RXRA: variants seen among roughly 807,000 people sequenced by gnomAD.
The protein encoded by RXRA is retinoid X receptor alpha.
In RXRA, 5 loss-of-function variants were observed where a neutral mutation model predicts 44.5. That is an observed-to-expected ratio of 0.11 (90% CI 0.06 to 0.24). The LOEUF (loss-of-function observed/expected upper bound fraction) is 0.24. Ranked by LOEUF, RXRA falls within the 10% of genes least tolerant of loss-of-function variation. RXRA has a pLI of 1.00. For missense variants in RXRA, 412 were observed against 646.5 expected, an observed-to-expected ratio of 0.64 and a Z score of 3.93; for synonymous variants, 291 against 271.4, an observed-to-expected ratio of 1.07 and a Z score of -0.71.
At chr9:134,361,713 T>C (rs762325357) in intron 1 of RXRA, among the ~76,000 whole-genome samples, 5 of 152,228 alleles carry the variant, frequency 3.3e-5, no homozygotes, top group Non-Finnish European at 2.9e-5. Flanking sequence ...GGAGGGACTC[T>C]GAGCTTCCGT....
intron 1 of RXRA, among the ~76,000 whole-genome samples, chr9:134,329,323 C>A (rs1834965653): frequency 6.6e-6 from 1 of 152,256 alleles, no homozygotes; most frequent in African/African-American, 2.4e-5. Flanking sequence ...GCTTGGAGTC[C>A]CGCTCGGGCC....
chr9:134,339,047 T>G (rs779055203), intron 1 of RXRA, among the ~76,000 whole-genome samples: 1 of 152,236 alleles, frequency 6.6e-6, no homozygotes, highest in Non-Finnish European at 1.5e-5. Flanking sequence ...CCTGGGGACT[T>G]GGAGCCGGAC....
chr9:134,387,375 G>A (rs948290028), intron 1 of RXRA, among the ~76,000 whole-genome samples: 12 of 152,384 alleles, frequency 7.9e-5, no homozygotes, highest in Middle Eastern at 3.4e-3. Flanking sequence ...GCTCAGTGCC[G>A]TGGAGTAACT....
rs558619661 is a variant in RXRA, at chr9:134,423,333, G to A, written c.910+1528G>A. The stretch of plus-strand genomic sequence containing the variant: ...TCCCTTAGGGCCGGGTGTCCCAGCT[G>A]CCTAGAGGCCCGCTACCGCACTGTG... On this transcript the variant is annotated intron_variant, in intron 6 of 9. Coordinates refer to ENST00000481739, the MANE Select transcript of RXRA (RefSeq NM_002957.6). The A allele has an allele frequency of 4.1e-6, 4 of 985,460 alleles. No homozygotes were observed. In the African/African-American group the frequency reaches 5.2e-5, roughly 13 times the overall value. 61.0% of individuals were successfully genotyped at this position (985,460 alleles called of 1,614,324 possible).
chr9:134,396,525 C>G (rs1185491983), intron 1 of RXRA, among the ~76,000 whole-genome samples: 1 of 152,096 alleles, frequency 6.6e-6, no homozygotes, highest in Non-Finnish European at 1.5e-5. Flanking sequence ...GGGGGGTCCC[C>G]AGGCAGGTGG....
At position 134,429,220 on chromosome 9, in the gene RXRA, G is replaced by A; in HGVS notation, c.1023G>A (p.Gly341=). ...ACCGGAACAGCGCCCACAGCGCAGG[G>A]GTGGGCGCCATCTTTGACAGGTGGG... ...HVHRNSAHSA[G]VGAIFDRVLT... is the part of the protein sequence containing the mutation. Residue 341 remains glycine, a synonymous_variant, in exon 7 of 10, where the codon GGG becomes GGA. Coordinates refer to ENST00000481739, the MANE Select transcript of RXRA (RefSeq NM_002957.6). The A allele has an allele frequency of 6.2e-7, 1 of 1,612,508 alleles. No individual in the cohort carries two copies. The highest frequency in any genetic ancestry group is 1.1e-5 in the South Asian group (1 of 91,070).
chr9:134,393,878 G>A (rs2119127090), intron 1 of RXRA, among the ~76,000 whole-genome samples: 1 of 152,234 alleles, frequency 6.6e-6, no homozygotes, highest in African/African-American at 2.4e-5. Context: ...CAGCGCCCCT[G>A]GGCTGTATGA....
chr9:134,426,455 G>A lies in RXRA; in HGVS notation c.911-2653G>A, dbSNP rs1014697203. ...AGAAATAACCGAGTGAGGACATCGG[G>A]GTGGAGGGACAGGGGACAGGGGAGC... On this transcript the variant is annotated intron_variant, in intron 6 of 9. Coordinates refer to ENST00000481739, the MANE Select transcript of RXRA (RefSeq NM_002957.6). The surrounding 1 kb of genome is among the most constrained non-coding windows in gnomAD (Gnocchi z 4.6). 2.9e-5 allele frequency: 29 copies of A among 985,342 alleles called. No individual in the cohort carries two copies. Among genetic ancestry groups the A allele is most frequent in the Non-Finnish European group, 3.3e-5 (27 of 829,948 alleles). 61.0% of individuals were successfully genotyped at this position (985,342 alleles called of 1,614,324 possible).
intron 1 of RXRA, among the ~76,000 whole-genome samples, chr9:134,339,539 G>A (rs10122191): frequency 0.38 from 56,347 of 150,098 alleles, 11,676 homozygotes; most frequent in African/African-American, 0.57. Flanking sequence ...GTGTGAGCCC[G>A]TGTGTGTGTG....
intron 1 of RXRA, among the ~76,000 whole-genome samples, chr9:134,396,242 G>A (rs1199031390): frequency 6.6e-6 from 1 of 152,144 alleles, no homozygotes; most frequent in Non-Finnish European, 1.5e-5. Context: ...ATGGCTGCCC[G>A]CCCCACCCTA....
intron 1 of RXRA, among the ~76,000 whole-genome samples, chr9:134,397,086 G>C (rs1311843842): frequency 6.6e-6 from 1 of 152,246 alleles, no homozygotes; most frequent in Non-Finnish European, 1.5e-5. Flanking sequence ...TCCTGCTCTG[G>C]GGTCCAGGGA....
At position 134,366,488 on chromosome 9, in the gene RXRA, G is replaced by A. The variant is rs949859492; in HGVS notation, c.29-35144G>A. 1.3e-5 allele frequency among the ~76,000 whole-genome samples: 2 copies of A among 152,156 alleles called. No homozygotes were observed. The highest frequency in any genetic ancestry group is 2.4e-5 in the African/African-American group (1 of 41,432). The stretch of plus-strand genomic sequence containing the variant: ...GGTGGCAGAGTGGCCTGGCCACGGC[G>A]AGCTCCTGGCGGGAGTCCCCCTCCC... On this transcript the variant is annotated intron_variant, in intron 1 of 9. Transcript: ENST00000481739. This position sits in a 1 kb window ranked among gnomAD's most constrained non-coding sequence, Gnocchi z 5.9.
chr9:134,364,480 T>A (rs972539517), intron 1 of RXRA, among the ~76,000 whole-genome samples: 1 of 152,160 alleles, frequency 6.6e-6, no homozygotes, highest in Non-Finnish European at 1.5e-5. Context: ...TGTCATGGGC[T>A]CTGTGTTTGG....
chr9:134,353,776 G>A (rs1554749765), intron 1 of RXRA, among the ~76,000 whole-genome samples: 1 of 152,222 alleles, frequency 6.6e-6, no homozygotes, highest in East Asian at 1.9e-4. Flanking sequence ...CCAGGCCTGG[G>A]ATGTCCCGTT....
At position 134,365,189 on chromosome 9, in the gene RXRA, C is replaced by A. The variant is rs1014164693; in HGVS notation, c.29-36443C>A. Among the ~76,000 whole-genome samples, 1 of 152,238 alleles carries A rather than the reference C, an allele frequency of 6.6e-6. No homozygotes were observed. The highest frequency in any genetic ancestry group is 2.4e-5 in the African/African-American group (1 of 41,466). ...GATGGCACGCTGGGCCCGGGAAAGCCCCTCGTGGGCCATCTCCCGGAGTTC... is the reference window on the plus strand; with the variant it reads ...GATGGCACGCTGGGCCCGGGAAAGCACCTCGTGGGCCATCTCCCGGAGTTC... On this transcript the variant is annotated intron_variant, in intron 1 of 9. Coordinates refer to ENST00000481739, the MANE Select transcript of RXRA (RefSeq NM_002957.6). This position sits in a 1 kb window ranked among gnomAD's most constrained non-coding sequence, Gnocchi z 4.0.
At chr9:134,335,972 C>T (rs754778273) in intron 1 of RXRA, among the ~76,000 whole-genome samples, 18 of 152,236 alleles carry the variant, frequency 1.2e-4, no homozygotes, top group Non-Finnish European at 2.2e-4. Context: ...GCTTCTCGCC[C>T]TCTCCCCACC....
intron 1 of RXRA, among the ~76,000 whole-genome samples, chr9:134,358,693 C>T (rs552903108): frequency 5.9e-5 from 9 of 152,266 alleles, no homozygotes; most frequent in African/African-American, 1.9e-4. Flanking sequence ...TGGTCGTCTG[C>T]AGGACTGGGC....
At chr9:134,399,723 T>C (rs1193114299) in intron 1 of RXRA, among the ~76,000 whole-genome samples, 2 of 152,232 alleles carry the variant, frequency 1.3e-5, no homozygotes, top group Non-Finnish European at 2.9e-5. Flanking sequence ...ATTCCCAATA[T>C]TGTGAATGAT....
At chr9:134,398,402 T>G (rs1277919593) in intron 1 of RXRA, among the ~76,000 whole-genome samples, 3 of 152,074 alleles carry the variant, frequency 2.0e-5, no homozygotes, top group African/African-American at 7.3e-5. Flanking sequence ...GAGTAGAGGA[T>G]GTCGAGGCAT....
Sources: allele counts gnomAD v4.1 joint callset (sites outside exome capture counted in the v4.1 genomes callset), GRCh38; gene constraint gnomAD v4.1.1; non-coding constraint Gnocchi (gnomAD v3.1); transcripts MANE v1.5; gene names NCBI Gene and HGNC (gene_info 2026-07-23, HGNC 2026-07-21).